Variants in B3GALT1 observed in about 807,000 individuals in gnomAD.
B3GALT1 encodes beta-1,3-galactosyltransferase 1.
A neutral mutation model predicts 23.2 loss-of-function variants in B3GALT1; 10 were observed. The observed-to-expected ratio is 0.43, with a 90% CI of 0.27 to 0.73. The LOEUF (loss-of-function observed/expected upper bound fraction) is 0.73, where lower values mean the gene tolerates loss of function less well. Among genes scored for constraint, B3GALT1 ranks in the 30% least tolerant of loss-of-function variants. B3GALT1 has a pLI of 0.21. For synonymous variants in B3GALT1, 156 were observed against 141.5 expected (o/e 1.10, Z -0.73); for missense variants, 299 against 405.4 (o/e 0.74, Z 2.25).
At chr2:167,389,116 A>G (rs530538301) in intron 1 of B3GALT1, among the ~76,000 whole-genome samples, 4 of 152,338 alleles carry the variant, frequency 2.6e-5, no homozygotes, top group South Asian at 4.1e-4. Flanking sequence ...AGTATATTAT[A>G]TAAGAACAAC....
At chr2:167,452,942 G>C (rs928550988) in intron 1 of B3GALT1, among the ~76,000 whole-genome samples, 4 of 152,184 alleles carry the variant, frequency 2.6e-5, no homozygotes, top group African/African-American at 9.7e-5. Flanking sequence ...CTGAAATGGT[G>C]CCTGATATCA....
chr2:167,629,204 C>T (rs896002957), intron 2 of B3GALT1, among the ~76,000 whole-genome samples: 11 of 151,564 alleles, frequency 7.3e-5, no homozygotes, highest in African/African-American at 1.7e-4. Flanking sequence ...AAGAGAAAAT[C>T]GGTGATCTCG....
intron 3 of B3GALT1, among the ~76,000 whole-genome samples, chr2:167,810,396 C>CT (rs1363468605): frequency 4.7e-5 from 7 of 150,110 alleles, no homozygotes; most frequent in Non-Finnish European, 8.8e-5. Context: ...TAGAGTGGAG[C>CT]TGTTCCTATT....
intron 2 of B3GALT1, among the ~76,000 whole-genome samples, chr2:167,594,936 A>T (rs192818634): frequency 1.3e-5 from 2 of 152,116 alleles, no homozygotes; most frequent in Non-Finnish European, 2.9e-5. Flanking sequence ...AAAAACTTGG[A>T]TAATGGACAA....
At chr2:167,744,695 G>A (rs1205462917) in intron 3 of B3GALT1, among the ~76,000 whole-genome samples, 4 of 151,858 alleles carry the variant, frequency 2.6e-5, no homozygotes, top group Non-Finnish European at 5.9e-5. Flanking sequence ...GAGTTCAAGC[G>A]ATTCTCCTGC....
chr2:167,821,356 C>A (rs917245224), intron 4 of B3GALT1, among the ~76,000 whole-genome samples: 1 of 151,068 alleles, frequency 6.6e-6, no homozygotes, highest in South Asian at 2.1e-4. Flanking sequence ...AAGCAAATTG[C>A]ACGATATCCA....
intron 1 of B3GALT1, among the ~76,000 whole-genome samples, chr2:167,369,725 G>A (rs2105268493): frequency 6.6e-6 from 1 of 152,254 alleles, no homozygotes; most frequent in South Asian, 2.1e-4. Context: ...TTTCAATACG[G>A]CATGTGCAGC....
Position 167,873,365 on chromosome 2 carries a change from G to A in B3GALT1, c.*3345G>A, listed in dbSNP as rs182912161. On this transcript the variant is annotated 3_prime_UTR_variant, in exon 5 of 5. Transcript: ENST00000392690. ...TTTAAATAACCAGAATCAACAAAGCGAAGATCACTTTTAATTTGGATTCAA... is the reference window on the plus strand; with the variant it reads ...TTTAAATAACCAGAATCAACAAAGCAAAGATCACTTTTAATTTGGATTCAA... 1.3e-4 allele frequency: 20 copies of A among 152,098 alleles called. No individual in the cohort carries two copies. In the East Asian group the frequency reaches 2.7e-3, roughly 21 times the overall value. The allele number at this position is 152,098 out of a possible 1,614,324, so 9.4% of individuals were successfully genotyped here. A position where few individuals can be genotyped will look rare whatever the true frequency, so the allele number is the denominator to read the frequency against.
intron 1 of B3GALT1, among the ~76,000 whole-genome samples, chr2:167,482,659 G>A (rs910774627): frequency 1.3e-5 from 2 of 152,096 alleles, no homozygotes; most frequent in African/African-American, 2.4e-5. Flanking sequence ...GACCAACACA[G>A]TGAAACCCTG....
intron 1 of B3GALT1, among the ~76,000 whole-genome samples, chr2:167,424,232 G>A (rs1698590533): frequency 1.3e-5 from 2 of 152,124 alleles, no homozygotes; most frequent in African/African-American, 4.8e-5. Context: ...AGAAATTTTG[G>A]AACAACAGAA....
intron 3 of B3GALT1, among the ~76,000 whole-genome samples, chr2:167,818,074 G>C (rs1290018392): frequency 1.3e-5 from 2 of 152,208 alleles, no homozygotes; most frequent in Non-Finnish European, 1.5e-5. Context: ...TTAAGATGTT[G>C]CAGAAGACCT....
intron 2 of B3GALT1, among the ~76,000 whole-genome samples, chr2:167,554,509 G>A (rs77804251): frequency 0.012 from 1,812 of 152,294 alleles, 36 homozygotes; most frequent in African/African-American, 0.041. Context: ...ATGTTATGCA[G>A]ATAATCTGCC....
intron 2 of B3GALT1, among the ~76,000 whole-genome samples, chr2:167,545,325 G>C (rs1558899672): frequency 6.6e-6 from 1 of 151,158 alleles, no homozygotes; most frequent in African/African-American, 2.4e-5. Flanking sequence ...GTGAGCCACC[G>C]GCCCGGTGTG....
intron 3 of B3GALT1, among the ~76,000 whole-genome samples, chr2:167,671,259 A>G (rs772217480): frequency 9.5e-4 from 144 of 151,990 alleles, no homozygotes; most frequent in Non-Finnish European, 1.7e-3. Context: ...GATCATCCAG[A>G]AAAAAAATCA....
intron 2 of B3GALT1, among the ~76,000 whole-genome samples, chr2:167,639,406 A>G (rs1052640935): frequency 1.3e-5 from 2 of 152,044 alleles, no homozygotes; most frequent in Non-Finnish European, 2.9e-5. Flanking sequence ...TGAAGCTTAC[A>G]GAAGTCATTT....
chr2:167,449,676 T>C (rs1699056494), intron 1 of B3GALT1, among the ~76,000 whole-genome samples: 1 of 152,182 alleles, frequency 6.6e-6, no homozygotes, highest in African/African-American at 2.4e-5. Context: ...GTTCCAGTTC[T>C]CAAGGGGAAT....
chr2:167,829,351 C>T lies in B3GALT1; in HGVS notation c.-230+10558C>T, dbSNP rs568743092. Among the ~76,000 whole-genome samples the T allele has an allele frequency of 4.6e-5, 7 of 151,932 alleles. No individual in the cohort carries two copies. In the East Asian group the frequency reaches 5.8e-4, roughly 13 times the overall value. Reference sequence around the variant, plus strand: ...ACAAAAAATTAGCTGGGCCTGGTGGCGGGTGCCTGTAATCCCAGCTACTCA... The same window carrying T: ...ACAAAAAATTAGCTGGGCCTGGTGGTGGGTGCCTGTAATCCCAGCTACTCA... On this transcript the variant is annotated intron_variant, in intron 4 of 4. Coordinates refer to ENST00000392690, the MANE Select transcript of B3GALT1 (RefSeq NM_020981.4).
chr2:167,852,919 A>G (rs1234199653), intron 4 of B3GALT1, among the ~76,000 whole-genome samples: 1 of 152,204 alleles, frequency 6.6e-6, no homozygotes, highest in Non-Finnish European at 1.5e-5. Context: ...CAAAAATGAT[A>G]AAGATAGAAA....
At chr2:167,299,927 A>T (rs1264647741) in intron 1 of B3GALT1, among the ~76,000 whole-genome samples, 1 of 151,360 alleles carries the variant, frequency 6.6e-6, no homozygotes, top group Admixed American at 6.6e-5. Context: ...TTTGAGATGG[A>T]GTTTCGCTCT....
Sources: gnomAD v4.1 joint callset for allele counts (sites outside exome capture counted in the v4.1 genomes callset) on GRCh38, gnomAD v4.1.1 for gene constraint, MANE v1.5 for transcripts, NCBI Gene and HGNC (gene_info 2026-07-23, HGNC 2026-07-21) for gene names.